The following MAGI2 variants were observed in gnomAD, a reference collection of about 807,000 sequenced individuals.
The protein encoded by MAGI2 is membrane-associated guanylate kinase, WW and PDZ domain-containing protein 2.
Under a neutral mutation model 133.3 loss-of-function variants are expected in MAGI2, and 35 were observed. The ratio of observed to expected loss-of-function variants is 0.26; its 90% CI spans 0.20 to 0.35. The LOEUF is 0.35. Ranked by LOEUF, MAGI2 falls within the 10% of genes least tolerant of loss-of-function variation. The pLI, the probability that MAGI2 is intolerant of heterozygous loss-of-function variation, is 1.00. For missense variants in MAGI2, 1,636 were observed against 1,863.4 expected, an observed-to-expected ratio of 0.88 and a Z score of 2.25; for synonymous variants, 729 against 710.6, an observed-to-expected ratio of 1.03 and a Z score of -0.41.
chr7:79,405,164 A>G (rs1217070941), intron 1 of MAGI2, among the ~76,000 whole-genome samples: 1 of 152,188 alleles, frequency 6.6e-6, no homozygotes, highest in Non-Finnish European at 1.5e-5. Context: ...GACAAGAGAC[A>G]TATCAGATAT....
intron 1 of MAGI2, among the ~76,000 whole-genome samples, chr7:79,026,254 G>A (rs1048867640): frequency 1.3e-5 from 2 of 152,130 alleles, no homozygotes; most frequent in Non-Finnish European, 2.9e-5. Flanking sequence ...TACATGCAAA[G>A]TTGTCCATAA....
chr7:78,398,902 C>T (rs1191635838), intron 6 of MAGI2, among the ~76,000 whole-genome samples: 2 of 152,114 alleles, frequency 1.3e-5, no homozygotes, highest in East Asian at 1.9e-4. Context: ...CTTCCTTGCC[C>T]GTTTAATTGT....
chr7:79,048,335 A>G (rs1160140871), intron 1 of MAGI2, among the ~76,000 whole-genome samples: 9 of 152,212 alleles, frequency 5.9e-5, no homozygotes, highest in African/African-American at 2.2e-4. Context: ...TAATGCTGAA[A>G]TAATATTACA....
At chr7:78,867,803 G>A (rs571662690) in intron 2 of MAGI2, among the ~76,000 whole-genome samples, 4 of 152,196 alleles carry the variant, frequency 2.6e-5, no homozygotes, top group East Asian at 1.9e-4. Context: ...GTAAGAGACC[G>A]TAGCCCTTGG....
intron 3 of MAGI2, chr7:78,567,899 C>T (rs1382213128): frequency 6.6e-6 from 1 of 152,238 alleles, no homozygotes; most frequent in Non-Finnish European, 1.5e-5. Flanking sequence ...TCAAAACTCA[C>T]TCCAATCAGG....
At chr7:78,289,492 G>A (rs769027955) in intron 9 of MAGI2, among the ~76,000 whole-genome samples, 1 of 152,206 alleles carries the variant, frequency 6.6e-6, no homozygotes, top group Non-Finnish European at 1.5e-5. Flanking sequence ...ACCTGAAGGT[G>A]ACAGGGAGAA....
chr7:78,655,454 C>CAAAAAAAAAAAAAAAAAAAAAAACAAAAA, intron 2 of MAGI2, among the ~76,000 whole-genome samples: 1 of 64,950 alleles, frequency 1.5e-5, no homozygotes, highest in Admixed American at 1.9e-4. Flanking sequence ...AAAAAACAAC[C>CAAAAAAAAAAAAAAAAAAAAAAACAAAAA]AAAAAAAAAA....
chr7:78,601,542 C>T (rs914565852), intron 3 of MAGI2, among the ~76,000 whole-genome samples: 4 of 152,002 alleles, frequency 2.6e-5, no homozygotes, highest in South Asian at 2.1e-4. Flanking sequence ...TTTGGTTGTT[C>T]GAGATATTGC....
chr7:78,614,093 G>T (rs1806789395), intron 3 of MAGI2, among the ~76,000 whole-genome samples: 4 of 139,302 alleles, frequency 2.9e-5, no homozygotes. Flanking sequence ...CTGGGTGACA[G>T]AGTGAGACTT....
In MAGI2 at chr7:78,501,761, C is replaced by A; in HGVS notation, c.781G>T (p.Ala261Ser). ...GAGGGCATCTCCCCTGAGGCACCTGCACTTTTGTCTTCATGTTCACTGGAT... is the reference window on the plus strand; with the variant it reads ...GAGGGCATCTCCCCTGAGGCACCTGAACTTTTGTCTTCATGTTCACTGGAT... ...PESSEHEDKS[A>S]GASGEMPSQP... Residue 261 changes from alanine to serine, a missense_variant, in exon 5 of 22, where the codon GCA (alanine) becomes TCA (serine). Ala to Ser is a moderately conservative substitution (Grantham distance 99). Around this residue, in one of 5 missense-constraint regions of MAGI2, gnomAD observed 165 missense variants for 128.4 expected, o/e 1.28. Transcript: ENST00000354212. 6.2e-7 allele frequency: 1 copy of A among 1,613,862 alleles called. No individual in the cohort carries two copies. The highest frequency in any genetic ancestry group is 1.1e-5 in the South Asian group (1 of 91,068).
intron 1 of MAGI2, among the ~76,000 whole-genome samples, chr7:79,261,875 C>T (rs1266451706): frequency 1.3e-5 from 2 of 152,164 alleles, no homozygotes; most frequent in Admixed American, 6.6e-5. Context: ...ATCAACATGA[C>T]TTTAGTCTTC....
intron 5 of MAGI2, among the ~76,000 whole-genome samples, chr7:78,493,976 T>C (rs1793858320): frequency 6.6e-6 from 1 of 152,056 alleles, no homozygotes; most frequent in African/African-American, 2.4e-5. Flanking sequence ...TTCTTTCCTA[T>C]TCTTTTTTTT....
chr7:78,186,799 T>C (rs1229445518), intron 12 of MAGI2, among the ~76,000 whole-genome samples: 1 of 152,188 alleles, frequency 6.6e-6, no homozygotes, highest in Non-Finnish European at 1.5e-5. Flanking sequence ...CTTTCTTATT[T>C]CATTTTAGTA....
chr7:78,757,487 C>CA (rs1162245528), intron 2 of MAGI2, among the ~76,000 whole-genome samples: 3 of 151,914 alleles, frequency 2.0e-5, no homozygotes, highest in Non-Finnish European at 4.4e-5. Context: ...TGGTAAAAAA[C>CA]AAAAAAATAA....
At chr7:79,209,134 G>A (rs1273066308) in intron 1 of MAGI2, among the ~76,000 whole-genome samples, 4 of 151,994 alleles carry the variant, frequency 2.6e-5, no homozygotes, top group South Asian at 2.1e-4. Flanking sequence ...TCAATAATAC[G>A]TTGTATTCTT....
chr7:78,857,714 CT>C (rs987245934), intron 2 of MAGI2, among the ~76,000 whole-genome samples: 2 of 152,084 alleles, frequency 1.3e-5, no homozygotes, highest in African/African-American at 4.8e-5. Context: ...CTAAAATTCT[CT>C]TTTTTTGTTG....
intron 6 of MAGI2, among the ~76,000 whole-genome samples, chr7:78,431,886 A>G (rs1028541818): frequency 2.0e-5 from 3 of 152,046 alleles, no homozygotes; most frequent in African/African-American, 7.2e-5. Flanking sequence ...ATTACCAAAG[A>G]TTCCATGAAA....
At chr7:78,300,553 T>C (rs1364229424) in intron 9 of MAGI2, among the ~76,000 whole-genome samples, 1 of 152,194 alleles carries the variant, frequency 6.6e-6, no homozygotes, top group East Asian at 1.9e-4. Context: ...AGGTAATTAA[T>C]ATCAAGCCCA....
chr7:79,335,553 G>T (rs530448809), intron 1 of MAGI2, among the ~76,000 whole-genome samples: 1 of 152,086 alleles, frequency 6.6e-6, no homozygotes, highest in Admixed American at 6.6e-5. Flanking sequence ...CAGAAAAATG[G>T]TAAATATATA....
Sources: allele counts gnomAD v4.1 joint callset (sites outside exome capture counted in the v4.1 genomes callset), GRCh38; gene constraint gnomAD v4.1.1; regional missense constraint gnomAD v4.1.1; transcripts MANE v1.5; gene names NCBI Gene and HGNC (gene_info 2026-07-23, HGNC 2026-07-21).